Variants in PANK2 observed in about 807,000 individuals in gnomAD.
The protein encoded by PANK2 is pantothenate kinase 2, also known as pantothenate kinase 2, mitochondrial.
A neutral mutation model predicts 43.1 loss-of-function variants in PANK2; 36 were observed. The observed-to-expected ratio is 0.84, with a 90% CI of 0.64 to 1.10. The LOEUF is 1.10. Ranked by LOEUF, PANK2 falls within the 50% of genes least tolerant of loss-of-function variation. The probability of loss-of-function intolerance (pLI) is 0.00; values close to 1 mark genes in which losing one functional copy is unlikely to be tolerated. For synonymous variants in PANK2, 281 were observed against 238.2 expected (o/e 1.18, Z -1.66); for missense variants, 576 against 593.3 (o/e 0.97, Z 0.30).
At chr20:3,922,422 C>G (rs2090660709) in intron 6 of PANK2, among the ~76,000 whole-genome samples, 1 of 152,220 alleles carries the variant, frequency 6.6e-6, no homozygotes, top group South Asian at 2.1e-4. Context: ...TCAGCTGCTG[C>G]TTCTGTGTCT....
At chr20:3,915,149 C>G (rs1351489832) in intron 4 of PANK2, among the ~76,000 whole-genome samples, 1 of 152,112 alleles carries the variant, frequency 6.6e-6, no homozygotes, top group Non-Finnish European at 1.5e-5. Flanking sequence ...TTAATCTTAT[C>G]TATCTTCTGT....
rs1477677287 is a variant in PANK2, at chr20:3,895,602, AAG to A, written c.298+5877_298+5878del. ...AAGAATGGCTATTTTGATTATTTAA[AAG>A]AGCGGTGATGTTTTTTGGACTTAAA... On this transcript the variant is annotated intron_variant, in intron 1 of 6. Coordinates refer to ENST00000610179, the MANE Select transcript of PANK2 (RefSeq NM_001386393.1). Among the ~76,000 whole-genome samples the A allele has an allele frequency of 2.6e-5, 4 of 151,820 alleles. No homozygotes were observed. In the East Asian group the frequency reaches 7.8e-4, roughly 30 times the overall value.
chr20:3,901,944 A>C (rs533410186), intron 1 of PANK2, among the ~76,000 whole-genome samples: 1 of 152,078 alleles, frequency 6.6e-6, no homozygotes, highest in Admixed American at 6.6e-5. Flanking sequence ...ACTGACTTTT[A>C]TGTGATTTAT....
chr20:3,920,916 A>G (rs2090636538), intron 6 of PANK2, among the ~76,000 whole-genome samples: 1 of 152,070 alleles, frequency 6.6e-6, no homozygotes, highest in African/African-American at 2.4e-5. Flanking sequence ...TCTTGGTTGC[A>G]TTTTGTCCTT....
chr20:3,916,501 G>C (rs1486919168), intron 4 of PANK2, among the ~76,000 whole-genome samples: 1 of 152,222 alleles, frequency 6.6e-6, no homozygotes, highest in African/African-American at 2.4e-5. Context: ...GGACTCAGCT[G>C]TCTGTGCTTT....
intron 1 of PANK2, among the ~76,000 whole-genome samples, chr20:3,902,163 C>CTT (rs542705456): frequency 1.7e-4 from 24 of 138,242 alleles, no homozygotes; most frequent in African/African-American, 4.2e-4. Context: ...CTCCCTCTCT[C>CTT]TTTTTTTTTT....
At chr20:3,923,062 C>T (rs1186805700) in intron 6 of PANK2, among the ~76,000 whole-genome samples, 182 bp from the exon 7 acceptor site, 2 of 152,206 alleles carry the variant, frequency 1.3e-5, no homozygotes, top group Admixed American at 1.3e-4. Flanking sequence ...CCAGCCCCCT[C>T]CCCAGACAGG....
chr20:3,917,485 G>C (rs1175555515), intron 5 of PANK2: 1 of 534,886 alleles, frequency 1.9e-6, no homozygotes, highest in East Asian at 5.4e-5. Context: ...CCTCAGCAGA[G>C]CTGCGTCTTT....
Position 3,889,529 on chromosome 20 carries a change from C to T in PANK2, c.99C>T (p.Ser33=), listed in dbSNP as rs757881988. ...GCCACGGCAGGGCTTCCGCCACCTCCGTCTCGTCGGCTGGGGAGCAGGCGG... is the reference window on the plus strand; with the variant it reads ...GCCACGGCAGGGCTTCCGCCACCTCTGTCTCGTCGGCTGGGGAGCAGGCGG... The change falls in exon 1 of 7, where the codon TCC becomes TCT. Residue 33 remains serine, a synonymous_variant. Transcript: ENST00000610179. 3.3e-5 allele frequency: 47 copies of T among 1,425,892 alleles called. No individual in the cohort carries two copies. The highest frequency in any genetic ancestry group is 1.8e-4 in the African/African-American group (12 of 66,210). 88.3% of individuals were successfully genotyped at this position (1,425,892 alleles called of 1,614,324 possible). A position where few individuals can be genotyped will look rare whatever the true frequency, so the allele number is the denominator to read the frequency against.
intron 1 of PANK2, among the ~76,000 whole-genome samples, chr20:3,905,314 A>G (rs1314605381): frequency 1.4e-5 from 2 of 144,168 alleles, no homozygotes; most frequent in Non-Finnish European, 1.5e-5. Flanking sequence ...ATGCATGGTT[A>G]TTGCCTCTGT....
intron 1 of PANK2, 34 bp from the exon 2 acceptor site, chr20:3,907,892 A>C: frequency 6.3e-7 from 1 of 1,585,066 alleles, no homozygotes; most frequent in Non-Finnish European, 8.7e-7. Context: ...TTTCAGAAAA[A>C]AGCTGTTCTG....
chr20:3,903,012 CACA>C (rs1403570192), intron 1 of PANK2, among the ~76,000 whole-genome samples: 3 of 149,202 alleles, frequency 2.0e-5, no homozygotes, highest in Non-Finnish European at 3.0e-5. Flanking sequence ...CACACACACA[CACA>C]CACCCCTTTT....
chr20:3,912,408 T>A, intron 3 of PANK2, 50 bp from the exon 4 acceptor site: 2 of 1,590,668 alleles, frequency 1.3e-6, no homozygotes, highest in Non-Finnish European at 1.7e-6. Flanking sequence ...AACTTCTTGT[T>A]CTTATTTTTA....
chr20:3,903,308 G>T (rs771342800), intron 1 of PANK2, among the ~76,000 whole-genome samples: 3 of 150,574 alleles, frequency 2.0e-5, no homozygotes, highest in Admixed American at 6.7e-5. Flanking sequence ...CTGCCACACC[G>T]GGCTAATTTT....
At chr20:3,905,690 T>C (rs899579821) in intron 1 of PANK2, among the ~76,000 whole-genome samples, 5 of 149,544 alleles carry the variant, frequency 3.3e-5, no homozygotes, top group East Asian at 2.0e-4. Context: ...GAAAATAATA[T>C]ATCAAATATA....
At chr20:3,898,102 T>G (rs559785924) in intron 1 of PANK2, among the ~76,000 whole-genome samples, 59 of 152,354 alleles carry the variant, frequency 3.9e-4, no homozygotes, top group Non-Finnish European at 7.5e-4. Context: ...TCTTACTAAT[T>G]GGAATTTCTA....
chr20:3,901,893 C>T lies in PANK2; in HGVS notation c.299-6033C>T, dbSNP rs147669834. ...CCTTATAACTTTGAAGCCAGTGCTC[C>T]GTTGTCTTCTGGCATCTGTGCTGCT... On this transcript the variant is annotated intron_variant, in intron 1 of 6. Coordinates refer to ENST00000610179, the MANE Select transcript of PANK2 (RefSeq NM_001386393.1). 5.3e-5 allele frequency among the ~76,000 whole-genome samples: 8 copies of T among 152,058 alleles called. No individual in the cohort carries two copies. In the East Asian group the frequency reaches 7.7e-4, roughly 15 times the overall value.
At position 3,924,836 on chromosome 20, in the gene PANK2, C is replaced by T. The variant is rs2090697590; in HGVS notation, c.*1542C>T. On this transcript the variant is annotated 3_prime_UTR_variant, in exon 7 of 7. Transcript: ENST00000610179. ...CTGCTTGTACCACAGGGTGCTGCTC[C>T]CTGGGCCAACTCCTGTGAACTTGCT... The T allele has an allele frequency of 6.6e-6, 1 of 152,472 alleles. No individual in the cohort carries two copies. Among genetic ancestry groups the T allele is most frequent in the Admixed American group, 6.5e-5 (1 of 15,276 alleles). 9.4% of individuals were successfully genotyped at this position (152,472 alleles called of 1,614,324 possible).
rs555591435 is a variant in PANK2 at position 3,927,711 on chromosome 20, G to A, written c.*4417G>A. Reference sequence around the variant, plus strand: ...TAACACTTGCCACACCTGCTCCCCCGACCGGGGGCCTGGGAGGGAAGGGCA... The same window carrying A: ...TAACACTTGCCACACCTGCTCCCCCAACCGGGGGCCTGGGAGGGAAGGGCA... On this transcript the variant is annotated 3_prime_UTR_variant, in exon 7 of 7. Coordinates refer to ENST00000610179, the MANE Select transcript of PANK2 (RefSeq NM_001386393.1). 4 of 152,262 alleles carry A rather than the reference G, an allele frequency of 2.6e-5. No individual in the cohort carries two copies. Among genetic ancestry groups the A allele is most frequent in the Non-Finnish European group, 5.9e-5 (4 of 68,084 alleles). The allele number at this position is 152,262 out of a possible 1,614,324, so 9.4% of individuals were successfully genotyped here.
Sources: gnomAD v4.1 joint callset for allele counts (sites outside exome capture counted in the v4.1 genomes callset) on GRCh38, gnomAD v4.1.1 for gene constraint, MANE v1.5 for transcripts, NCBI Gene and HGNC (gene_info 2026-07-23, HGNC 2026-07-21) for gene names.